Variants in ZNF717 observed in about 807,000 individuals in gnomAD.
ZNF717 encodes the protein krueppel-like factor X17.
In ZNF717, 9 loss-of-function variants were observed where a neutral mutation model predicts 13.8. That is an observed-to-expected ratio of 0.65 (90% CI 0.39 to 1.14). The LOEUF (loss-of-function observed/expected upper bound fraction) is 1.14. Ranked by LOEUF, ZNF717 falls within the 50% of genes most tolerant of loss-of-function variation. ZNF717 has a pLI of 0.01. For missense variants in ZNF717, 1,040 were observed against 1,080.7 expected (o/e 0.96, Z 0.53); for synonymous variants, 327 against 364.1 (o/e 0.90, Z 1.16).
chr3:75,730,357 A>AG (rs1381903715), exon 6 of ZNF717: 37 of 359,402 alleles, frequency 1.0e-4, no homozygotes, highest in African/African-American at 8.3e-4. Flanking sequence ...AATAGTTAAA[A>AG]AAAAAAAAAG....
At chr3:75,708,896 A>G (rs1423413972), downstream of ZNF717, among the ~76,000 whole-genome samples, 4 of 152,132 alleles carry the variant, frequency 2.6e-5, no homozygotes, top group African/African-American at 9.7e-5. Flanking sequence ...CTCAGGAAAC[A>G]TTTATTCATG....
In ZNF717 at chr3:75,760,178, G is replaced by A. The variant is rs575070200; in HGVS notation, c.58-18442C>T. On this transcript the variant is annotated intron_variant, in intron 2 of 4. Transcript: ENST00000652011. ...ACGGTAGCTGGGATTACAGGCATCC[G>A]CCACCACACCTAGCTAACTTTTATA... Among the ~76,000 whole-genome samples the A allele has an allele frequency of 3.9e-3, 277 of 70,484 alleles. 2 individuals carry two copies. The highest frequency in any genetic ancestry group is 0.011 in the African/African-American group (255 of 24,260). 46.2% of individuals were successfully genotyped at this position (70,484 alleles called of 152,430 possible). A position where few individuals can be genotyped will look rare whatever the true frequency, so the allele number is the denominator to read the frequency against.
chr3:75,700,314 A>T (rs1302782260), intron 6 of ZNF717, among the ~76,000 whole-genome samples: 1 of 152,310 alleles, frequency 6.6e-6, no homozygotes, highest in Non-Finnish European at 1.5e-5. Context: ...AATTGCTTGA[A>T]CCCAGGAGGC....
At chr3:75,703,021 T>C (rs1261345663) in intron 6 of ZNF717, among the ~76,000 whole-genome samples, 1 of 152,310 alleles carries the variant, frequency 6.6e-6, no homozygotes, top group African/African-American at 2.4e-5. Flanking sequence ...AGACAAACAC[T>C]AGTTTTCTTT....
In ZNF717 at chr3:75,785,145, C is replaced by G. The variant is rs1304088503; in HGVS notation, c.-3+239G>C. 2.0e-5 allele frequency: 3 copies of G among 152,318 alleles called. No individual in the cohort carries two copies. The East Asian group carries it at 5.8e-4, about 29-fold the overall frequency. The allele number at this position is 152,318 out of a possible 1,614,324, so 9.4% of individuals were successfully genotyped here. A position where few individuals can be genotyped will look rare whatever the true frequency, so the allele number is the denominator to read the frequency against. On this transcript the variant is annotated intron_variant, in intron 1 of 4. Coordinates refer to ENST00000652011, the MANE Select transcript of ZNF717 (RefSeq NM_001290208.3). ...CGAGGCGCACGCGTTTCGCACTACT[C>G]CTCTGGGAATGGGGAACGTCTCCCG...
chr3:75,769,715 A>G (rs1943749466), intron 2 of ZNF717, among the ~76,000 whole-genome samples: 1 of 152,236 alleles, frequency 6.6e-6, no homozygotes, highest in Non-Finnish European at 1.5e-5. Flanking sequence ...TCAGTTAATT[A>G]GGTTGTCACT....
intron 6 of ZNF717, among the ~76,000 whole-genome samples, chr3:75,701,408 C>T (rs190075870): frequency 2.0e-5 from 3 of 152,292 alleles, no homozygotes; most frequent in East Asian, 1.9e-4. Flanking sequence ...TGGTGGCTCA[C>T]GCCTGTAATC....
chr3:75,764,788 G>A (rs1349335646), intron 2 of ZNF717, among the ~76,000 whole-genome samples: 15 of 152,008 alleles, frequency 9.9e-5, no homozygotes, highest in Non-Finnish European at 1.8e-4. Flanking sequence ...CTTGTACACT[G>A]TTGGTGGAAA....
intron 2 of ZNF717, among the ~76,000 whole-genome samples, chr3:75,777,402 T>C (rs1375965127): frequency 6.6e-6 from 1 of 151,270 alleles, no homozygotes; most frequent in African/African-American, 2.4e-5. Flanking sequence ...GGGAGTGATG[T>C]GCTAAAACCG....
At chr3:75,702,487 A>G (rs1168977519) in intron 6 of ZNF717, among the ~76,000 whole-genome samples, 2 of 98,040 alleles carry the variant, frequency 2.0e-5, no homozygotes, top group African/African-American at 3.8e-5. Flanking sequence ...GCAGTGACGG[A>G]ACAGGGGGAT....
At chr3:75,702,651 C>T (rs1436240877) in intron 6 of ZNF717, among the ~76,000 whole-genome samples, 27 of 151,776 alleles carry the variant, frequency 1.8e-4, no homozygotes, top group Non-Finnish European at 3.3e-4. Flanking sequence ...GCTATAAATG[C>T]TTGAGGGATG....
At chr3:75,749,204 T>C (rs1448840207) in intron 2 of ZNF717, among the ~76,000 whole-genome samples, 1 of 151,688 alleles carries the variant, frequency 6.6e-6, no homozygotes, top group Non-Finnish European at 1.5e-5. Flanking sequence ...AGGGTCTGAA[T>C]GTTTGTCCCT....
intron 4 of ZNF717, among the ~76,000 whole-genome samples, chr3:75,723,248 C>CTTTTT (rs112455865): frequency 0.27 from 23,885 of 88,134 alleles, 5,050 homozygotes; most frequent in East Asian, 0.55. Context: ...GACAATCTCA[C>CTTTTT]TTTTTTTTTT....
At chr3:75,721,253 G>A (rs1340760157) in intron 4 of ZNF717, among the ~76,000 whole-genome samples, 6 of 152,164 alleles carry the variant, frequency 3.9e-5, no homozygotes, top group African/African-American at 1.4e-4. Context: ...ATGCCTAAAT[G>A]ACAACATTGC....
downstream of ZNF717, among the ~76,000 whole-genome samples, chr3:75,727,431 TGTGA>T (rs1296463943): frequency 2.6e-5 from 4 of 152,168 alleles, no homozygotes; most frequent in African/African-American, 7.2e-5. Flanking sequence ...CAGATGGACG[TGTGA>T]GTAAGAGAAT....
At chr3:75,755,379 A>G (rs1488115792) in intron 2 of ZNF717, among the ~76,000 whole-genome samples, 1 of 152,272 alleles carries the variant, frequency 6.6e-6, no homozygotes, top group African/African-American at 2.4e-5. Flanking sequence ...ATGCTTATAC[A>G]CAAGTGAAAT....
intron 2 of ZNF717, among the ~76,000 whole-genome samples, chr3:75,777,514 ACTGG>A (rs1944418837): frequency 6.6e-6 from 1 of 151,278 alleles, no homozygotes; most frequent in Admixed American, 6.6e-5. Flanking sequence ...ATGTGCTAAA[ACTGG>A]AACCCAAAAC....
Position 75,738,911 on chromosome 3 carries a change from T to C in ZNF717, c.712A>G (p.Lys238Glu). Reference sequence around the variant, plus strand: ...CAGGCTTTCTCATATTCATTATATTTACCAAAGGTCTGTACTATATGAACC... The same window carrying C: ...CAGGCTTTCTCATATTCATTATATTCACCAAAGGTCTGTACTATATGAACC... ...KRVHIVQTFG[K>E]YNEYEKACNN... The change falls in exon 5 of 5, where the codon AAA becomes GAA. Residue 238 changes from lysine to glutamate, a missense_variant. Transcript: ENST00000652011. 6.4e-7 allele frequency: 1 copy of C among 1,551,544 alleles called. No homozygotes were observed. The highest frequency in any genetic ancestry group is 8.7e-7 in the Non-Finnish European group (1 of 1,146,960).
At chr3:75,764,197 A>G (rs67836234) in intron 2 of ZNF717, among the ~76,000 whole-genome samples, 54,723 of 151,858 alleles carry the variant, frequency 0.36, 10,760 homozygotes, top group Non-Finnish European at 0.45. Context: ...ATTGCTTTTG[A>G]GTGGCCAATG....
Sources: allele counts gnomAD v4.1 joint callset (sites outside exome capture counted in the v4.1 genomes callset), GRCh38; gene constraint gnomAD v4.1.1; transcripts MANE v1.5; gene names NCBI Gene and HGNC (gene_info 2026-07-23, HGNC 2026-07-21).